NDUFS2: variants seen among roughly 807,000 people sequenced by gnomAD.
NDUFS2 encodes NADH:ubiquinone oxidoreductase core subunit S2, also known as NADH dehydrogenase [ubiquinone] iron-sulfur protein 2, mitochondrial.
A neutral mutation model predicts 69.6 loss-of-function variants in NDUFS2; 38 were observed. That is an observed-to-expected ratio of 0.55 (90% CI 0.42 to 0.72). The LOEUF (loss-of-function observed/expected upper bound fraction) is 0.72. NDUFS2 is among the 30% of genes least tolerant of loss of function. The probability of loss-of-function intolerance (pLI) is 0.00; values close to 1 mark genes in which losing one functional copy is unlikely to be tolerated. For missense variants in NDUFS2, 468 were observed against 595.0 expected, an observed-to-expected ratio of 0.79 and a Z score of 2.22; for synonymous variants, 194 against 211.2, an observed-to-expected ratio of 0.92 and a Z score of 0.70.
In NDUFS2 at chr1:161,214,375, C is replaced by A. The variant is rs909854596; in HGVS notation, c.*182C>A. The stretch of plus-strand genomic sequence containing the variant: ...GGAGAAATTATAATAAATTAGCCGT[C>A]TTGCGGCCCCTAGGCCTAAACTTCT... On this transcript the variant is annotated 3_prime_UTR_variant, in exon 14 of 14. Transcript: ENST00000676972. 1 of 670,538 alleles carries A rather than the reference C, an allele frequency of 1.5e-6. No homozygotes were observed. Among genetic ancestry groups the A allele is most frequent in the African/African-American group, 1.8e-5 (1 of 55,586 alleles). 41.5% of individuals were successfully genotyped at this position (670,538 alleles called of 1,614,324 possible). A position where few individuals can be genotyped will look rare whatever the true frequency, so the allele number is the denominator to read the frequency against.
chr1:161,212,491 G>T lies in NDUFS2; in HGVS notation c.1116+11G>T. 6.2e-7 allele frequency: 1 copy of T among 1,611,186 alleles called. No individual in the cohort carries two copies. Among genetic ancestry groups the T allele is most frequent in the South Asian group, 1.1e-5 (1 of 91,042 alleles). On this transcript the variant is annotated intron_variant, in intron 10 of 13. Coordinates refer to ENST00000676972, the MANE Select transcript of NDUFS2 (RefSeq NM_001377299.1). ...CGAGCAGAGATGAAGGTTGGCTGCAGGGAGGGGGAAAGTGTGGGGTGTTGG... is the reference window on the plus strand; with the variant it reads ...CGAGCAGAGATGAAGGTTGGCTGCATGGAGGGGGAAAGTGTGGGGTGTTGG...
In NDUFS2 at chr1:161,206,391, A is replaced by G. The variant is rs1665462890; in HGVS notation, c.203-16A>G. On this transcript the variant is annotated splice_polypyrimidine_tract_variant and intron_variant, in intron 2 of 13. Coordinates refer to ENST00000676972, the MANE Select transcript of NDUFS2 (RefSeq NM_001377299.1). ...GGGAATAACCATGTGGCTCTGAACT[A>G]TTTCTTACTTCTCAGATGTGGACCC... The G allele has an allele frequency of 3.7e-6, 6 of 1,613,952 alleles. No homozygotes were observed. The highest frequency in any genetic ancestry group is 5.1e-6 in the Non-Finnish European group (6 of 1,179,900).
rs375650413 is a variant in NDUFS2, at chr1:161,206,416, C to T, written c.212C>T (p.Pro71Leu). 17 of 1,614,102 alleles carry T rather than the reference C, an allele frequency of 1.1e-5. No individual in the cohort carries two copies. The African/African-American group carries it at 1.5e-4, about 14-fold the overall frequency. ...WKPPPWNDVD[P>L]PKDTIVKNIT... is the part of the protein sequence containing the mutation. ...ATTTCTTACTTCTCAGATGTGGACC[C>T]TCCAAAGGACACAATTGTGAAGAAC... is the stretch of plus-strand genomic sequence containing the variant. The change falls in exon 3 of 14, where the codon CCT (proline) becomes CTT (leucine). Residue 71 changes from proline (P) to leucine (L), a missense_variant. This residue lies in a region of NDUFS2 where 339 missense variants were observed against 433.8 expected (regional missense o/e 0.78). Coordinates refer to ENST00000676972, the MANE Select transcript of NDUFS2 (RefSeq NM_001377299.1).
chr1:161,201,970 A>C (rs1224800547), upstream of NDUFS2: 1 of 279,884 alleles, frequency 3.6e-6, no homozygotes, highest in Non-Finnish European at 7.2e-6. Flanking sequence ...GGGCTACCCT[A>C]TAAGGGCAGG....
intron 12 of NDUFS2, 41 bp from the exon 13 acceptor site, chr1:161,213,823 G>A (rs1665904179): frequency 6.2e-7 from 1 of 1,612,582 alleles, no homozygotes; most frequent in South Asian, 1.1e-5. Flanking sequence ...CTCCCACCTT[G>A]CAAGTCTTAA....
rs1665726479 is a variant in NDUFS2, at chr1:161,210,725, C to G, written c.986+15C>G. On this transcript the variant is annotated intron_variant, in intron 9 of 13. Coordinates refer to ENST00000676972, the MANE Select transcript of NDUFS2 (RefSeq NM_001377299.1). ...TGCTATGATAGGTAAGGCCCCAATC[C>G]TTTCTTGGCTGATATTCCAGCTAGT... 6.2e-7 allele frequency: 1 copy of G among 1,613,938 alleles called. No individual in the cohort carries two copies. The highest frequency in any genetic ancestry group is 1.3e-5 in the African/African-American group (1 of 75,026).
At chr1:161,203,996 A>C (rs189881639) in intron 2 of NDUFS2, among the ~76,000 whole-genome samples, 7 of 152,342 alleles carry the variant, frequency 4.6e-5, no homozygotes, top group South Asian at 2.1e-4. Context: ...CAACAGACAT[A>C]ATAGTGATAA....
At chr1:161,198,442 C>G (rs1290280992), upstream of NDUFS2, 4 of 1,584,604 alleles carry the variant, frequency 2.5e-6, no homozygotes, top group African/African-American at 5.4e-5. This position sits in a 1 kb window ranked among gnomAD's most constrained non-coding sequence, Gnocchi z 4.7. Flanking sequence ...TCTCTGGAAA[C>G]ACGATCTCCT....
intron 1 of NDUFS2, among the ~76,000 whole-genome samples, chr1:161,202,712 T>G (rs1030067150): frequency 6.6e-6 from 1 of 152,164 alleles, no homozygotes; most frequent in South Asian, 2.1e-4. Flanking sequence ...GCTTTTTAGC[T>G]TCAGTAATTT....
chr1:161,202,389 G>A lies in NDUFS2; in HGVS notation c.4G>A (p.Ala2Thr), dbSNP rs747756906. Residue 2 changes from alanine (A) to threonine (T), a missense_variant, in exon 1 of 14, where the codon GCG becomes ACG. Coordinates refer to ENST00000676972, the MANE Select transcript of NDUFS2 (RefSeq NM_001377299.1). ...CGCAGTCTGCAGCCGGAGTAAGATG[G>A]CGGCGCTGAGGGCTTTGTGCGGCTT... is the stretch of plus-strand genomic sequence containing the variant. M[A>T]ALRALCGFRG... 3 of 1,611,462 alleles carry A rather than the reference G, an allele frequency of 1.9e-6. No homozygotes were observed. In the South Asian group the frequency reaches 3.3e-5, roughly 18 times the overall value.
intron 2 of NDUFS2, among the ~76,000 whole-genome samples, chr1:161,204,386 T>C (rs1665341392): frequency 6.6e-6 from 1 of 152,248 alleles, no homozygotes; most frequent in African/African-American, 2.4e-5. Flanking sequence ...ACCATGTAGA[T>C]ACTTTCGTAA....
rs755515997 is a variant in NDUFS2, at chr1:161,210,212, A to G, written c.780+24A>G. Reference sequence around the variant, plus strand: ...AGGTAAGCTAGGAGTCAATGGGAAAAATCTCTCCCCCACAAGAAGGGCTAG... The same window carrying G: ...AGGTAAGCTAGGAGTCAATGGGAAAGATCTCTCCCCCACAAGAAGGGCTAG... On this transcript the variant is annotated intron_variant, in intron 7 of 13. Coordinates refer to ENST00000676972, the MANE Select transcript of NDUFS2 (RefSeq NM_001377299.1). 4 of 1,612,908 alleles carry G rather than the reference A, an allele frequency of 2.5e-6. No homozygotes were observed. In the Admixed American group the frequency reaches 6.7e-5, roughly 27 times the overall value.
upstream of NDUFS2, chr1:161,202,205 G>C (rs545618060): frequency 3.0e-4 from 201 of 667,344 alleles, no homozygotes; most frequent in African/African-American, 3.2e-3. Context: ...CGCGGTCACT[G>C]TTATCTAAAC....
At chr1:161,198,187 TCC>T (rs754309112), upstream of NDUFS2, 5 of 1,613,794 alleles carry the variant, frequency 3.1e-6, no homozygotes, top group Non-Finnish European at 4.2e-6. The surrounding 1 kb of genome is among the most constrained non-coding windows in gnomAD (Gnocchi z 4.7). Context: ...CTAACAGGGC[TCC>T]CCCATCCCAG....
At chr1:161,198,346 T>C (rs780911328), upstream of NDUFS2, 1 of 1,613,290 alleles carries the variant, frequency 6.2e-7, no homozygotes, top group Non-Finnish European at 8.5e-7. This position sits in a 1 kb window ranked among gnomAD's most constrained non-coding sequence, Gnocchi z 4.7. Flanking sequence ...GCTCCAGCTC[T>C]AGTAGCAGCG....
upstream of NDUFS2, chr1:161,197,621 G>A (rs182756625): frequency 1.9e-5 from 4 of 216,058 alleles, no homozygotes; most frequent in Admixed American, 1.7e-4. Context: ...GGGAGTGGGG[G>A]ATGAAAATCA....
At chr1:161,202,139 G>A (rs1665161963), upstream of NDUFS2, 5 of 567,776 alleles carry the variant, frequency 8.8e-6, no homozygotes, top group South Asian at 4.0e-5. Flanking sequence ...TCCCTTGCTC[G>A]CTCCTAGAAA....
chr1:161,204,233 T>C (rs1272999870), intron 2 of NDUFS2, among the ~76,000 whole-genome samples: 3 of 152,210 alleles, frequency 2.0e-5, no homozygotes, highest in South Asian at 4.1e-4. Context: ...CCATTTTTTT[T>C]CCTATCAAAA....
rs1391535918 is a variant in NDUFS2, at chr1:161,206,560, G to A, written c.356G>A (p.Gly119Asp). The A allele has an allele frequency of 6.2e-7, 1 of 1,613,958 alleles. No individual in the cohort carries two copies. The highest frequency in any genetic ancestry group is 1.3e-5 in the African/African-American group (1 of 74,948). The change falls in exon 3 of 14, where the codon GGC becomes GAC. Residue 119 changes from glycine (G) to aspartate (D), a missense_variant. Physicochemically the swap from Gly to Asp is moderately conservative, Grantham distance 94. Transcript: ENST00000676972. ...CDPHIGLLHR[G>D]TEKLIEYKTY... ...CCTCACATCGGGCTCCTGCACCGAGGCACTGAGAAGCTCATTGAATACAAG... is the reference window on the plus strand; with the variant it reads ...CCTCACATCGGGCTCCTGCACCGAGACACTGAGAAGCTCATTGAATACAAG...
Sources: allele counts gnomAD v4.1 joint callset (sites outside exome capture counted in the v4.1 genomes callset), GRCh38; gene constraint gnomAD v4.1.1; regional missense constraint gnomAD v4.1.1; non-coding constraint Gnocchi (gnomAD v3.1); transcripts MANE v1.5; gene names NCBI Gene and HGNC (gene_info 2026-07-23, HGNC 2026-07-21).